PTPRD: variants seen among roughly 807,000 people sequenced by gnomAD.
PTPRD encodes the protein receptor-type tyrosine-protein phosphatase delta.
A neutral mutation model predicts 214.5 loss-of-function variants in PTPRD; 34 were observed. That is an observed-to-expected ratio of 0.16 (90% CI 0.12 to 0.21). The LOEUF (loss-of-function observed/expected upper bound fraction) is 0.21. Among genes scored for constraint, PTPRD ranks in the 10% least tolerant of loss-of-function variants. The pLI, the probability that PTPRD is intolerant of heterozygous loss-of-function variation, is 1.00. For missense variants in PTPRD, 2,545 were observed against 2,398.7 expected (o/e 1.06, Z -1.27); for synonymous variants, 1,128 against 845.7 (o/e 1.33, Z -5.79).
At chr9:8,712,805 G>A (rs181132158) in intron 12 of PTPRD, among the ~76,000 whole-genome samples, 217 of 152,190 alleles carry the variant, frequency 1.4e-3, no homozygotes, top group African/African-American at 3.4e-3. Flanking sequence ...TGCAACCTCC[G>A]CCTCCTGGGT....
intron 12 of PTPRD, among the ~76,000 whole-genome samples, chr9:8,690,928 A>G (rs1306504579): frequency 6.6e-6 from 1 of 152,188 alleles, no homozygotes; most frequent in Non-Finnish European, 1.5e-5. Context: ...ATTAAGTGGA[A>G]AAATGGATTT....
chr9:10,025,373 A>G (rs2096904362), intron 4 of PTPRD, among the ~76,000 whole-genome samples: 1 of 152,142 alleles, frequency 6.6e-6, no homozygotes, highest in Non-Finnish European at 1.5e-5. Context: ...CCAATGTCCA[A>G]TTTTGTCCAA....
intron 11 of PTPRD, among the ~76,000 whole-genome samples, chr9:8,794,748 G>C (rs1017775458): frequency 6.6e-6 from 1 of 151,892 alleles, no homozygotes; most frequent in Admixed American, 6.6e-5. Flanking sequence ...ACTTGCCTCA[G>C]AGGAACTTAA....
At chr9:8,528,935 T>C (rs1220814255) in intron 14 of PTPRD, among the ~76,000 whole-genome samples, 156 bp from the exon 15 acceptor site, 1 of 152,132 alleles carries the variant, frequency 6.6e-6, no homozygotes, top group Non-Finnish European at 1.5e-5. Context: ...ACAATGCTGC[T>C]ACTGATCAGA....
At chr9:8,506,283 T>C (rs1312963621) in intron 22 of PTPRD, among the ~76,000 whole-genome samples, 1 of 152,166 alleles carries the variant, frequency 6.6e-6, no homozygotes, top group African/African-American at 2.4e-5. Context: ...AGAGGCATAA[T>C]AAAATGAATA....
chr9:9,269,533 C>G (rs547766129), intron 9 of PTPRD, among the ~76,000 whole-genome samples: 4 of 151,476 alleles, frequency 2.6e-5, no homozygotes, highest in East Asian at 2.0e-4. Context: ...AAATTGAGAT[C>G]TCAGAGAAAT....
chr9:9,721,482 C>G (rs2097944653), intron 7 of PTPRD, among the ~76,000 whole-genome samples: 1 of 151,918 alleles, frequency 6.6e-6, no homozygotes, highest in Non-Finnish European at 1.5e-5. Flanking sequence ...GGCACAGGTT[C>G]AAAACAAGAT....
intron 3 of PTPRD, among the ~76,000 whole-genome samples, chr9:10,094,037 C>A (rs1271245021): frequency 6.6e-6 from 1 of 151,284 alleles, no homozygotes; most frequent in African/African-American, 2.4e-5. Flanking sequence ...ACCTCAGCAT[C>A]ATGCAATATA....
chr9:9,291,987 A>G (rs1213830372), intron 9 of PTPRD, among the ~76,000 whole-genome samples: 1 of 151,026 alleles, frequency 6.6e-6, no homozygotes, highest in Non-Finnish European at 1.5e-5. Context: ...ATTACTTACT[A>G]CTTATATAGT....
chr9:9,699,462 G>A (rs774348233), intron 7 of PTPRD, among the ~76,000 whole-genome samples: 1 of 151,908 alleles, frequency 6.6e-6, no homozygotes, highest in South Asian at 2.1e-4. Flanking sequence ...TAGGGTCTTT[G>A]GTGCCACATT....
chr9:9,359,342 G>T (rs557073550), intron 9 of PTPRD, among the ~76,000 whole-genome samples: 1 of 151,084 alleles, frequency 6.6e-6, no homozygotes, highest in African/African-American at 2.4e-5. Context: ...AGGACACTTC[G>T]GGGACTACAA....
intron 5 of PTPRD, among the ~76,000 whole-genome samples, chr9:9,850,785 T>C (rs533422267): frequency 9.2e-4 from 140 of 152,244 alleles, no homozygotes; most frequent in African/African-American, 3.1e-3. Flanking sequence ...TTATACCTTC[T>C]AACCAAAATA....
At chr9:9,116,266 A>T (rs915628129) in intron 10 of PTPRD, among the ~76,000 whole-genome samples, 3 of 152,172 alleles carry the variant, frequency 2.0e-5, no homozygotes, top group Non-Finnish European at 4.4e-5. Flanking sequence ...ATATATACTT[A>T]CTATGGAATA....
At chr9:9,325,889 G>C (rs536294857) in intron 9 of PTPRD, among the ~76,000 whole-genome samples, 78 of 152,170 alleles carry the variant, frequency 5.1e-4, no homozygotes, top group Non-Finnish European at 1.1e-3. Flanking sequence ...TTTATTGAGA[G>C]TTTTTAGCAT....
chr9:9,020,871 C>T (rs1348013619), intron 10 of PTPRD, among the ~76,000 whole-genome samples: 14 of 152,094 alleles, frequency 9.2e-5, no homozygotes, highest in Admixed American at 6.6e-4. Context: ...CGTATCTACT[C>T]GGATGTATAT....
intron 3 of PTPRD, among the ~76,000 whole-genome samples, chr9:10,044,767 T>C (rs1471053511): frequency 6.6e-6 from 1 of 151,758 alleles, no homozygotes; most frequent in Non-Finnish European, 1.5e-5. Context: ...ATTATTATAA[T>C]CACACAGCAG....
chr9:9,342,022 T>G (rs952620066), intron 9 of PTPRD, among the ~76,000 whole-genome samples: 19 of 152,262 alleles, frequency 1.2e-4, no homozygotes, highest in Admixed American at 1.2e-3. Flanking sequence ...TTGGTCAGGA[T>G]GATCTCAAAC....
intron 7 of PTPRD, among the ~76,000 whole-genome samples, chr9:9,632,687 A>G (rs66515335): frequency 0.2 from 29,727 of 152,040 alleles, 3,513 homozygotes; most frequent in African/African-American, 0.34. Context: ...TTTTATGTAG[A>G]ACATAAACCC....
At chr9:9,145,776 A>G (rs151033219) in intron 10 of PTPRD, among the ~76,000 whole-genome samples, 312 of 152,346 alleles carry the variant, frequency 2.0e-3, no homozygotes, top group African/African-American at 6.5e-3. Context: ...GACTATGGCC[A>G]TATACTTTTT....
Sources: allele counts gnomAD v4.1 joint callset (sites outside exome capture counted in the v4.1 genomes callset), GRCh38; gene constraint gnomAD v4.1.1; transcripts MANE v1.5; gene names NCBI Gene and HGNC (gene_info 2026-07-23, HGNC 2026-07-21).